The following CMTM8 variants were observed in gnomAD, a reference collection of about 807,000 sequenced individuals.
CMTM8 encodes CKLF-like MARVEL transmembrane domain-containing protein 8.
Under a neutral mutation model 18.6 loss-of-function variants are expected in CMTM8, and 12 were observed. That is an observed-to-expected ratio of 0.65 (90% CI 0.41 to 1.05). The LOEUF (loss-of-function observed/expected upper bound fraction) is 1.05. CMTM8 is among the 50% of genes least tolerant of loss of function. The pLI is 0.00. For missense variants in CMTM8, 217 were observed against 227.2 expected (o/e 0.95, Z 0.29); for synonymous variants, 87 against 90.6 (o/e 0.96, Z 0.23).
intron 1 of CMTM8, among the ~76,000 whole-genome samples, chr3:32,306,201 G>A (rs1283434214): frequency 1.3e-5 from 2 of 152,178 alleles, no homozygotes; most frequent in African/African-American, 4.8e-5. Flanking sequence ...GATTTAAGAG[G>A]TCCATGGCAC....
At position 32,330,953 on chromosome 3, in the gene CMTM8, G is replaced by A. The variant is rs185317077; in HGVS notation, c.148-26420G>A. On this transcript the variant is annotated intron_variant, in intron 1 of 3. Coordinates refer to ENST00000307526, the MANE Select transcript of CMTM8 (RefSeq NM_178868.5). ...TTATTTCTTGCATATGACAACAAAA[G>A]CACAGATGACAAAAGCAACAGTAGA... 2.8e-4 allele frequency among the ~76,000 whole-genome samples: 42 copies of A among 152,176 alleles called. No individual in the cohort carries two copies. In the East Asian group the frequency reaches 7.5e-3, roughly 27 times the overall value.
intron 1 of CMTM8, among the ~76,000 whole-genome samples, chr3:32,291,698 T>A (rs1248798532): frequency 6.6e-6 from 1 of 152,206 alleles, no homozygotes; most frequent in African/African-American, 2.4e-5. Flanking sequence ...GAAAAAAGAA[T>A]GAATCTGGAA....
At chr3:32,327,406 G>A (rs1575178216) in intron 1 of CMTM8, among the ~76,000 whole-genome samples, 1 of 152,208 alleles carries the variant, frequency 6.6e-6, no homozygotes, top group Non-Finnish European at 1.5e-5. Flanking sequence ...ATTGATGGCT[G>A]TTAAATTTAA....
intron 1 of CMTM8, among the ~76,000 whole-genome samples, chr3:32,255,845 C>T (rs1323397721): frequency 2.6e-5 from 4 of 152,050 alleles, no homozygotes; most frequent in Non-Finnish European, 2.9e-5. Context: ...CCCACTTCAG[C>T]CTCCCGAGTA....
intron 2 of CMTM8, among the ~76,000 whole-genome samples, chr3:32,366,477 T>C (rs1697038998): frequency 6.6e-6 from 1 of 152,200 alleles, no homozygotes; most frequent in African/African-American, 2.4e-5. Flanking sequence ...TCTCTTTCAT[T>C]CATTCTCATT....
chr3:32,327,365 A>C (rs1278617661), intron 1 of CMTM8, among the ~76,000 whole-genome samples: 1 of 152,212 alleles, frequency 6.6e-6, no homozygotes, highest in Non-Finnish European at 1.5e-5. Context: ...GTGGTTGTTG[A>C]TGCATTTTTA....
chr3:32,332,194 A>G (rs1193743309), intron 1 of CMTM8, among the ~76,000 whole-genome samples: 3 of 152,344 alleles, frequency 2.0e-5, no homozygotes, highest in Non-Finnish European at 4.4e-5. Context: ...AAAGCAAGGC[A>G]TTGTCCATAT....
At position 32,303,057 on chromosome 3, in the gene CMTM8, A is replaced by G. The variant is rs556037910; in HGVS notation, c.148-54316A>G. 2.0e-5 allele frequency among the ~76,000 whole-genome samples: 3 copies of G among 152,326 alleles called. No individual in the cohort carries two copies. The East Asian group carries it at 5.8e-4, about 29-fold the overall frequency. ...ATTGCACAGCTTTCTCCCTTCCAGC[A>G]AATCCTTTTTGATCACTATTACATA... On this transcript the variant is annotated intron_variant, in intron 1 of 3. Coordinates refer to ENST00000307526, the MANE Select transcript of CMTM8 (RefSeq NM_178868.5).
At chr3:32,328,624 A>G (rs999424468) in intron 1 of CMTM8, among the ~76,000 whole-genome samples, 2 of 152,012 alleles carry the variant, frequency 1.3e-5, no homozygotes, top group Non-Finnish European at 2.9e-5. Flanking sequence ...TAGCTCAACT[A>G]TGAAAAAACA....
chr3:32,274,137 C>A (rs183588825), intron 1 of CMTM8, among the ~76,000 whole-genome samples: 1 of 152,032 alleles, frequency 6.6e-6, no homozygotes, highest in African/African-American at 2.4e-5. Flanking sequence ...TGGCAAGACC[C>A]GGTCTCTACA....
At chr3:32,242,502 A>AT (rs1048957042) in intron 1 of CMTM8, among the ~76,000 whole-genome samples, 1 of 151,432 alleles carries the variant, frequency 6.6e-6, no homozygotes, top group Admixed American at 6.6e-5. Flanking sequence ...ATTTTTTTGT[A>AT]TTTTTTGTAG....
At chr3:32,283,617 C>T (rs781148837) in intron 1 of CMTM8, among the ~76,000 whole-genome samples, 3 of 152,182 alleles carry the variant, frequency 2.0e-5, no homozygotes, top group Admixed American at 6.5e-5. Context: ...GTCTCTCCTA[C>T]ATAGCAGGAT....
rs544771444 is a variant in CMTM8 at position 32,363,595 on chromosome 3, C to T, written c.322-4277C>T. ...AGACAGCCAGCAGCTCTGCCACAGACGAAGCAGCTGAAGAGGTTATTTCCC... is the reference window on the plus strand; with the variant it reads ...AGACAGCCAGCAGCTCTGCCACAGATGAAGCAGCTGAAGAGGTTATTTCCC... On this transcript the variant is annotated intron_variant, in intron 2 of 3. Transcript: ENST00000307526. Among the ~76,000 whole-genome samples the T allele has an allele frequency of 3.3e-5, 5 of 152,312 alleles. No homozygotes were observed. In the South Asian group the frequency reaches 1.0e-3, roughly 32 times the overall value.
At chr3:32,350,116 A>G (rs1696676100) in intron 1 of CMTM8, among the ~76,000 whole-genome samples, 1 of 152,180 alleles carries the variant, frequency 6.6e-6, no homozygotes, top group South Asian at 2.1e-4. Context: ...GCAATCACCC[A>G]GCAGCTTGCA....
intron 1 of CMTM8, chr3:32,259,105 A>G (rs373382765): frequency 1.7e-4 from 65 of 393,232 alleles, no homozygotes; most frequent in African/African-American, 1.3e-3. Flanking sequence ...GTCCTGCTCC[A>G]CCAGCTTCCA....
At chr3:32,300,593 C>T (rs1695594997) in intron 1 of CMTM8, among the ~76,000 whole-genome samples, 1 of 152,128 alleles carries the variant, frequency 6.6e-6, no homozygotes, top group African/African-American at 2.4e-5. Context: ...TAACACTGTT[C>T]CAATAAAACT....
In CMTM8 at chr3:32,315,782, T is replaced by C. The variant is rs186125623; in HGVS notation, c.148-41591T>C. Among the ~76,000 whole-genome samples, 3 of 152,314 alleles carry C rather than the reference T, an allele frequency of 2.0e-5. No homozygotes were observed. The East Asian group carries it at 5.8e-4, about 29-fold the overall frequency. On this transcript the variant is annotated intron_variant, in intron 1 of 3. Transcript: ENST00000307526. ...GGTGACTTATGGAGCAGATGGCATA[T>C]TTTTTGGTGGCTTATGTAGTATTAA...
intron 1 of CMTM8, among the ~76,000 whole-genome samples, chr3:32,311,823 C>T (rs926672211): frequency 6.6e-5 from 10 of 152,282 alleles, no homozygotes; most frequent in Non-Finnish European, 1.3e-4. Context: ...CCACTTCAAA[C>T]GCCAATTGCA....
intron 1 of CMTM8, among the ~76,000 whole-genome samples, chr3:32,354,362 A>G (rs1450620540): frequency 6.6e-6 from 1 of 152,170 alleles, no homozygotes; most frequent in African/African-American, 2.4e-5. Flanking sequence ...TCACTTGGGT[A>G]GAACAATTCT....
Sources: gnomAD v4.1 joint callset for allele counts (sites outside exome capture counted in the v4.1 genomes callset) on GRCh38, gnomAD v4.1.1 for gene constraint, MANE v1.5 for transcripts, NCBI Gene and HGNC (gene_info 2026-07-23, HGNC 2026-07-21) for gene names.